GRID2: variants seen among roughly 807,000 people sequenced by gnomAD.
The protein encoded by GRID2 is glutamate ionotropic receptor delta type subunit 2.
A neutral mutation model predicts 114.8 loss-of-function variants in GRID2; 33 were observed. The observed-to-expected ratio is 0.29, with a 90% confidence interval of 0.22 to 0.38. The LOEUF (loss-of-function observed/expected upper bound fraction) is 0.38. Among genes scored for constraint, GRID2 ranks in the 10% least tolerant of loss-of-function variants. The probability of loss-of-function intolerance (pLI) is 1.00; values close to 1 mark genes in which losing one functional copy is unlikely to be tolerated. For missense variants in GRID2, 1,184 were observed against 1,257.7 expected, an observed-to-expected ratio of 0.94 and a Z score of 0.89; for synonymous variants, 505 against 449.9, an observed-to-expected ratio of 1.12 and a Z score of -1.55.
At chr4:92,710,563 C>G (rs1735197638) in intron 2 of GRID2, among the ~76,000 whole-genome samples, 1 of 152,170 alleles carries the variant, frequency 6.6e-6, no homozygotes, top group Non-Finnish European at 1.5e-5. Flanking sequence ...CTGGTGACGA[C>G]TACACTTGAA....
At chr4:93,146,107 G>C (rs1431875170) in intron 4 of GRID2, among the ~76,000 whole-genome samples, 1 of 152,016 alleles carries the variant, frequency 6.6e-6, no homozygotes, top group African/African-American at 2.4e-5. Context: ...TCCAGGAATA[G>C]TATGAATTAT....
chr4:93,584,022 T>G (rs1275486258), intron 13 of GRID2, among the ~76,000 whole-genome samples: 1 of 152,110 alleles, frequency 6.6e-6, no homozygotes, highest in African/African-American at 2.4e-5. Context: ...CATTGAAAAA[T>G]GACCTCTATT....
At chr4:92,732,836 T>A (rs1186922935) in intron 2 of GRID2, among the ~76,000 whole-genome samples, 1 of 152,126 alleles carries the variant, frequency 6.6e-6, no homozygotes, top group Non-Finnish European at 1.5e-5. Context: ...AGCCTTTATT[T>A]TGGAGTTGAC....
intron 2 of GRID2, among the ~76,000 whole-genome samples, chr4:93,011,412 T>C (rs1403883706): frequency 1.3e-5 from 2 of 152,024 alleles, no homozygotes; most frequent in East Asian, 3.9e-4. Context: ...TCAGGCCATT[T>C]CTTCTCCCCA....
At chr4:92,801,476 A>T (rs963856763) in intron 2 of GRID2, among the ~76,000 whole-genome samples, 32 of 151,924 alleles carry the variant, frequency 2.1e-4, no homozygotes, top group African/African-American at 7.0e-4. Flanking sequence ...AACACTGCAG[A>T]GTGTACCTTT....
At chr4:93,564,782 T>A (rs1316961126) in intron 13 of GRID2, among the ~76,000 whole-genome samples, 1 of 147,080 alleles carries the variant, frequency 6.8e-6, no homozygotes, top group Admixed American at 6.7e-5. Flanking sequence ...GAGAGAAAGA[T>A]AAAGAAGGGT....
At chr4:92,749,310 CTTTTTTTTT>C (rs68069370) in intron 2 of GRID2, among the ~76,000 whole-genome samples, 1 of 72,006 alleles carries the variant, frequency 1.4e-5, no homozygotes, top group South Asian at 5.9e-4. Flanking sequence ...TGATTTGTAG[CTTTTTTTTT>C]TTTTTTTTTT....
At chr4:92,893,395 G>A (rs1746934112) in intron 2 of GRID2, among the ~76,000 whole-genome samples, 1 of 152,096 alleles carries the variant, frequency 6.6e-6, no homozygotes, top group African/African-American at 2.4e-5. Context: ...CAGGGGCATG[G>A]TGGGGAAATA....
intron 8 of GRID2, among the ~76,000 whole-genome samples, chr4:93,312,071 G>A (rs1488198240): frequency 6.6e-6 from 1 of 152,022 alleles, no homozygotes; most frequent in Non-Finnish European, 1.5e-5. Context: ...AATTTTATAA[G>A]AAAAAGGTAA....
intron 14 of GRID2, among the ~76,000 whole-genome samples, chr4:93,697,427 G>A (rs868741125): frequency 5.3e-5 from 8 of 152,172 alleles, no homozygotes; most frequent in Middle Eastern, 3.4e-3. Flanking sequence ...CCAAAAGGCA[G>A]ACATAGCAGA....
chr4:92,754,070 C>G (rs945292656), intron 2 of GRID2, among the ~76,000 whole-genome samples: 2 of 152,146 alleles, frequency 1.3e-5, no homozygotes, highest in African/African-American at 4.8e-5. Flanking sequence ...CATAACCTGT[C>G]ACTGATAATT....
At chr4:92,451,839 A>G (rs908813663) in intron 1 of GRID2, among the ~76,000 whole-genome samples, 5 of 152,224 alleles carry the variant, frequency 3.3e-5, no homozygotes, top group African/African-American at 9.6e-5. Flanking sequence ...CTAAGTATTC[A>G]TCTCAAATTG....
chr4:93,283,222 A>G (rs1323946752), intron 8 of GRID2, among the ~76,000 whole-genome samples: 3 of 152,092 alleles, frequency 2.0e-5, no homozygotes, highest in African/African-American at 4.8e-5. Flanking sequence ...AAGGGAAAGG[A>G]TGCTATCTTA....
rs1353522446 is a variant in GRID2, at chr4:93,034,500, T to C, written c.245-50495T>C. 2.0e-5 allele frequency among the ~76,000 whole-genome samples: 3 copies of C among 152,178 alleles called. No individual in the cohort carries two copies. The South Asian group carries it at 6.2e-4, about 31-fold the overall frequency. On this transcript the variant is annotated intron_variant, in intron 2 of 15. Coordinates refer to ENST00000282020, the MANE Select transcript of GRID2 (RefSeq NM_001510.4). ...ATATTTCACTCTGCCTGGGAATGCT[T>C]TCTCAGGTGTTATACTGCCCATTGA... is the stretch of plus-strand genomic sequence containing the variant.
At chr4:93,515,188 G>T (rs115942270) in intron 12 of GRID2, 28 bp from the exon 13 acceptor site, 62 of 1,148,658 alleles carry the variant, frequency 5.4e-5, no homozygotes, top group Non-Finnish European at 7.1e-5. Flanking sequence ...TGTGTCTCTT[G>T]TGTCTCTCTT....
chr4:93,748,424 A>T (rs1235788516), intron 14 of GRID2, among the ~76,000 whole-genome samples: 7 of 152,188 alleles, frequency 4.6e-5, no homozygotes, highest in Non-Finnish European at 1.0e-4. Context: ...ATAAGACTCC[A>T]CAAACTGAAA....
At chr4:92,454,127 T>G (rs1721088433) in intron 1 of GRID2, among the ~76,000 whole-genome samples, 3 of 151,978 alleles carry the variant, frequency 2.0e-5, no homozygotes, top group Non-Finnish European at 4.4e-5. Context: ...AATGACACAT[T>G]GTTTTCTCTG....
intron 1 of GRID2, among the ~76,000 whole-genome samples, chr4:92,482,027 T>TATATATAA (rs1218876334): frequency 1.5e-5 from 1 of 64,658 alleles, no homozygotes; most frequent in South Asian, 5.2e-4. Context: ...TATATATATA[T>TATATATAA]ATATATAAAA....
At chr4:93,674,651 A>C (rs1294357638) in intron 14 of GRID2, among the ~76,000 whole-genome samples, 1 of 151,942 alleles carries the variant, frequency 6.6e-6, no homozygotes, top group African/African-American at 2.4e-5. Context: ...CATAAGGCCC[A>C]ATAGGTCACT....
Sources: gnomAD v4.1 joint callset for allele counts (sites outside exome capture counted in the v4.1 genomes callset) on GRCh38, gnomAD v4.1.1 for gene constraint, MANE v1.5 for transcripts, NCBI Gene and HGNC (gene_info 2026-07-23, HGNC 2026-07-21) for gene names.